Variants in PIGK observed in about 807,000 individuals in gnomAD.
The protein encoded by PIGK is GPI-anchor transamidase.
Under a neutral mutation model 50.6 loss-of-function variants are expected in PIGK, and 42 were observed. The ratio of observed to expected loss-of-function variants is 0.83; its 90% CI spans 0.65 to 1.07. PIGK has a LOEUF of 1.07. Ranked by LOEUF, PIGK falls within the 50% of genes least tolerant of loss-of-function variation. The pLI is 0.00. For missense variants in PIGK, 448 were observed against 488.7 expected (o/e 0.92, Z 0.78); for synonymous variants, 151 against 156.0 (o/e 0.97, Z 0.24).
intron 9 of PIGK, among the ~76,000 whole-genome samples, chr1:77,123,988 C>T (rs969263267): frequency 6.6e-6 from 1 of 151,354 alleles, no homozygotes; most frequent in African/African-American, 2.4e-5. Flanking sequence ...AGGAGGAGCG[C>T]AGGACACCGA....
chr1:77,168,469 T>C (rs1418858624), intron 4 of PIGK, among the ~76,000 whole-genome samples: 1 of 152,008 alleles, frequency 6.6e-6, no homozygotes, highest in African/African-American at 2.4e-5. Context: ...TTTCCTAAAA[T>C]ATGACTAAAT....
At chr1:77,170,175 C>CT (rs918627321) in intron 3 of PIGK, among the ~76,000 whole-genome samples, 6 of 152,112 alleles carry the variant, frequency 3.9e-5, no homozygotes, top group East Asian at 1.9e-4. Flanking sequence ...CCCATTATAT[C>CT]TTTTTTTATT....
rs1479097145 is a variant in PIGK, at chr1:77,090,805, C to G, written c.*1569G>C. ...CAGAAAGATCCTTCACATAATCAGA[C>G]AAAATTTTTCTTCCTCATTTATATA... On this transcript the variant is annotated 3_prime_UTR_variant, in exon 11 of 11. Coordinates refer to ENST00000370812, the MANE Select transcript of PIGK (RefSeq NM_005482.3). The G allele has an allele frequency of 1.3e-5, 2 of 152,068 alleles. No individual in the cohort carries two copies. The highest frequency in any genetic ancestry group is 2.9e-5 in the Non-Finnish European group (2 of 67,988). The allele number at this position is 152,068 out of a possible 1,614,324, so 9.4% of individuals were successfully genotyped here.
intron 9 of PIGK, chr1:77,154,188 T>C (rs1654955542): frequency 2.2e-5 from 11 of 496,482 alleles, no homozygotes; most frequent in Non-Finnish European, 3.8e-5. Context: ...TAGGCCTTTG[T>C]GGCAAGTATC....
intron 1 of PIGK, among the ~76,000 whole-genome samples, chr1:77,216,670 C>T (rs998478318): frequency 1.3e-5 from 2 of 151,662 alleles, no homozygotes; most frequent in African/African-American, 4.8e-5. Flanking sequence ...CCCCTCCAAA[C>T]TCAACAGCTG....
At chr1:77,119,821 G>C (rs1013919631) in intron 10 of PIGK, among the ~76,000 whole-genome samples, 1 of 152,100 alleles carries the variant, frequency 6.6e-6, no homozygotes, top group African/African-American at 2.4e-5. Context: ...CTGGTGCCTG[G>C]GTAGTAGGGA....
chr1:77,214,009 G>A (rs1430413600), intron 1 of PIGK, among the ~76,000 whole-genome samples: 5 of 152,078 alleles, frequency 3.3e-5, no homozygotes, highest in Admixed American at 3.3e-4. Context: ...TGAATGGACT[G>A]AGGCTGAGTA....
chr1:77,150,413 T>G (rs1654869246), intron 9 of PIGK, among the ~76,000 whole-genome samples: 1 of 148,716 alleles, frequency 6.7e-6, no homozygotes, highest in Admixed American at 6.8e-5. Context: ...CCCAGTTATG[T>G]GGGAGGCTGA....
intron 9 of PIGK, among the ~76,000 whole-genome samples, chr1:77,143,400 C>A (rs1018047994): frequency 6.6e-6 from 1 of 151,952 alleles, no homozygotes; most frequent in Non-Finnish European, 1.5e-5. Flanking sequence ...GAAATTTTTA[C>A]CATCCTTTAT....
intron 2 of PIGK, among the ~76,000 whole-genome samples, chr1:77,208,371 A>C (rs1012319205): frequency 6.6e-6 from 1 of 152,156 alleles, no homozygotes; most frequent in African/African-American, 2.4e-5. Context: ...TTTATTTTTT[A>C]CCAGGTTACT....
intron 10 of PIGK, among the ~76,000 whole-genome samples, chr1:77,106,119 C>A (rs1277111493): frequency 3.3e-5 from 5 of 152,156 alleles, no homozygotes; most frequent in African/African-American, 1.2e-4. Flanking sequence ...CGCAAATATT[C>A]CTAAATGGGC....
In PIGK at chr1:77,101,864, C is replaced by T. The variant is rs544052909; in HGVS notation, c.1072-9374G>A. ...ACTAAAAATACAAAAATTAGCTGGGCGTGGTGGTGCATGCCTGTAGTCCCA... is the reference window on the plus strand; with the variant it reads ...ACTAAAAATACAAAAATTAGCTGGGTGTGGTGGTGCATGCCTGTAGTCCCA... On this transcript the variant is annotated intron_variant, in intron 10 of 10. Coordinates refer to ENST00000370812, the MANE Select transcript of PIGK (RefSeq NM_005482.3). Among the ~76,000 whole-genome samples, 15 of 152,080 alleles carry T rather than the reference C, an allele frequency of 9.9e-5. No homozygotes were observed. The East Asian group carries it at 1.7e-3, about 18-fold the overall frequency.
chr1:77,214,182 C>A (rs1250723611), intron 1 of PIGK, among the ~76,000 whole-genome samples: 1 of 152,098 alleles, frequency 6.6e-6, no homozygotes, highest in South Asian at 2.1e-4. Flanking sequence ...TTTTATGAGG[C>A]CAGCATTACC....
intron 10 of PIGK, among the ~76,000 whole-genome samples, chr1:77,107,389 T>C (rs1049160450): frequency 1.3e-5 from 2 of 152,238 alleles, no homozygotes; most frequent in Non-Finnish European, 2.9e-5. Flanking sequence ...TTCCATGTAG[T>C]TGAGCAGTTT....
chr1:77,092,724 CAA>C (rs1470209560), intron 10 of PIGK, among the ~76,000 whole-genome samples: 1 of 152,106 alleles, frequency 6.6e-6, no homozygotes, highest in Non-Finnish European at 1.5e-5. Flanking sequence ...TTTGTTTCCT[CAA>C]AGAGTCCTTC....
Position 77,169,276 on chromosome 1 carries a change from T to C in PIGK, c.359A>G (p.Asp120Gly), listed in dbSNP as rs1410032040. ...LNVYGDDVEV[D>G]YRSYEVTVEN... Reference sequence around the variant, plus strand: ...AGAATTTACCTCGTAACTTCTATAATCCACTTCCACATCATCTCCATACAC... The same window carrying C: ...AGAATTTACCTCGTAACTTCTATAACCCACTTCCACATCATCTCCATACAC... Residue 120 changes from aspartate (D) to glycine (G), a missense_variant, in exon 4 of 11, where the codon GAT becomes GGT. Asp to Gly is a moderately conservative substitution (Grantham distance 94). Transcript: ENST00000370812. The C allele has an allele frequency of 1.9e-6, 3 of 1,565,676 alleles. No individual in the cohort carries two copies. The highest frequency in any genetic ancestry group is 2.7e-5 in the African/African-American group (2 of 72,886).
chr1:77,112,281 G>C (rs1483099489), intron 10 of PIGK, among the ~76,000 whole-genome samples: 1 of 147,286 alleles, frequency 6.8e-6, no homozygotes, highest in Non-Finnish European at 1.5e-5. Context: ...GGTCAACTTA[G>C]ATGGCAGATT....
chr1:77,166,857 A>C, intron 4 of PIGK, 27 bp from the exon 5 acceptor site: 1 of 1,043,564 alleles, frequency 9.6e-7, no homozygotes, highest in Non-Finnish European at 1.5e-6. Context: ...AAGAAAAATC[A>C]GATGAAATAA....
At chr1:77,178,160 C>T (rs967225097) in intron 3 of PIGK, among the ~76,000 whole-genome samples, 1 of 152,148 alleles carries the variant, frequency 6.6e-6, no homozygotes, top group South Asian at 2.1e-4. Flanking sequence ...TATGCCTTGA[C>T]AGATAAAAAA....
Sources: allele counts gnomAD v4.1 joint callset (sites outside exome capture counted in the v4.1 genomes callset), GRCh38; gene constraint gnomAD v4.1.1; transcripts MANE v1.5; gene names NCBI Gene and HGNC (gene_info 2026-07-23, HGNC 2026-07-21).